RBFOX1: variants seen among roughly 807,000 people sequenced by gnomAD.
The protein encoded by RBFOX1 is RNA binding protein fox-1 homolog 1.
A neutral mutation model predicts 57.7 loss-of-function variants in RBFOX1; 8 were observed. The observed-to-expected ratio is 0.14, with a 90% CI of 0.08 to 0.25. The LOEUF is 0.25. RBFOX1 is among the 10% of genes least tolerant of loss of function. The pLI is 1.00. For synonymous variants in RBFOX1, 326 were observed against 222.4 expected, an observed-to-expected ratio of 1.47 and a Z score of -4.15; for missense variants, 611 against 548.5, an observed-to-expected ratio of 1.11 and a Z score of -1.14.
At chr16:6,592,236 C>G (rs1241298261) in intron 2 of RBFOX1, among the ~76,000 whole-genome samples, 1 of 152,162 alleles carries the variant, frequency 6.6e-6, no homozygotes, top group Non-Finnish European at 1.5e-5. Flanking sequence ...AGCCATTGGG[C>G]TTTCTTTTGT....
At chr16:7,636,099 T>C (rs944641402) in intron 11 of RBFOX1, among the ~76,000 whole-genome samples, 9 of 152,230 alleles carry the variant, frequency 5.9e-5, no homozygotes, top group African/African-American at 2.2e-4. Context: ...CATGAGCCAC[T>C]GCGCCCAGCC....
chr16:6,641,189 C>A (rs562266601), intron 2 of RBFOX1, among the ~76,000 whole-genome samples: 1 of 152,138 alleles, frequency 6.6e-6, no homozygotes, highest in Non-Finnish European at 1.5e-5. Context: ...TTGCAAACTG[C>A]ATCTTGGCTG....
At chr16:6,841,889 A>G (rs2093481846) in intron 3 of RBFOX1, among the ~76,000 whole-genome samples, 1 of 152,228 alleles carries the variant, frequency 6.6e-6, no homozygotes, top group Admixed American at 6.5e-5. Flanking sequence ...CTGTAATCCT[A>G]GCACTTTGGG....
chr16:6,787,970 C>G (rs1010601365), intron 3 of RBFOX1, among the ~76,000 whole-genome samples: 1 of 149,484 alleles, frequency 6.7e-6, no homozygotes, highest in Admixed American at 6.7e-5. Flanking sequence ...TGTCTGTAAT[C>G]CCAGCACTTT....
At chr16:7,710,169 A>G (rs887275) in intron 15 of RBFOX1, 1,022,270 of 1,026,404 alleles carry the variant, frequency 1, 509,202 homozygotes, top group South Asian at 1. Context: ...CATACAGCTT[A>G]CAGAGCCAAG....
At chr16:6,105,683 A>C (rs1023152035) in intron 1 of RBFOX1, among the ~76,000 whole-genome samples, 1 of 150,108 alleles carries the variant, frequency 6.7e-6, no homozygotes, top group East Asian at 1.9e-4. Flanking sequence ...AAGTAGAAAA[A>C]AAATATATAT....
intron 1 of RBFOX1, among the ~76,000 whole-genome samples, chr16:6,160,644 T>C (rs989385539): frequency 2.0e-5 from 3 of 152,200 alleles, no homozygotes; most frequent in Admixed American, 6.5e-5. Context: ...TATCACACAA[T>C]GGTTTTGTGA....
At position 6,361,736 on chromosome 16, in the gene RBFOX1, A is replaced by C. The variant is rs1476842815; in HGVS notation, c.-64+44679A>C. 2.0e-5 allele frequency among the ~76,000 whole-genome samples: 3 copies of C among 152,068 alleles called. 1 individual carries two copies. The highest frequency in any genetic ancestry group is 4.4e-5 in the Non-Finnish European group (3 of 68,004). On this transcript the variant is annotated intron_variant, in intron 2 of 15. Transcript: ENST00000550418. Reference sequence around the variant, plus strand: ...CTTATCTTTATACCAATTGAATCAGAATGTCTGGAATGAGGGCACAGGCGT... The same window carrying C: ...CTTATCTTTATACCAATTGAATCAGCATGTCTGGAATGAGGGCACAGGCGT...
intron 1 of RBFOX1, among the ~76,000 whole-genome samples, chr16:6,110,079 C>T (rs549680617): frequency 6.6e-6 from 1 of 151,934 alleles, no homozygotes; most frequent in Non-Finnish European, 1.5e-5. Flanking sequence ...AGGATTTAAA[C>T]AATTAATATA....
chr16:6,965,729 G>A (rs183540449), intron 3 of RBFOX1, among the ~76,000 whole-genome samples: 96 of 152,296 alleles, frequency 6.3e-4, no homozygotes, highest in African/African-American at 2.1e-3. Context: ...CTCCAAATGG[G>A]AATGATAATA....
chr16:7,133,410 T>G (rs1354845028), intron 4 of RBFOX1, among the ~76,000 whole-genome samples: 1 of 152,168 alleles, frequency 6.6e-6, no homozygotes, highest in Non-Finnish European at 1.5e-5. Context: ...AATGGTCATG[T>G]TTTTCCAAAG....
At chr16:5,371,243 C>G (rs905033879) in intron 1 of RBFOX1, among the ~76,000 whole-genome samples, 1 of 152,170 alleles carries the variant, frequency 6.6e-6, no homozygotes, top group African/African-American at 2.4e-5. Context: ...CCCCCTGTGC[C>G]CAGCCAGAAT....
chr16:5,461,583 G>C (rs183468496), intron 1 of RBFOX1, among the ~76,000 whole-genome samples: 1 of 152,348 alleles, frequency 6.6e-6, no homozygotes, highest in African/African-American at 2.4e-5. Context: ...AAGGGGCAGA[G>C]TCTGCCTTAA....
At chr16:5,673,673 T>A (rs963389239) in intron 3 of RBFOX1, among the ~76,000 whole-genome samples, 1 of 152,214 alleles carries the variant, frequency 6.6e-6, no homozygotes, top group Non-Finnish European at 1.5e-5. Context: ...ATCTTTGACT[T>A]GCATTTCTTC....
At chr16:6,106,284 C>G (rs1263553673) in intron 1 of RBFOX1, among the ~76,000 whole-genome samples, 1 of 134,752 alleles carries the variant, frequency 7.4e-6, no homozygotes, top group Admixed American at 7.7e-5. Flanking sequence ...ATGGCAAAAC[C>G]CCATCTCTAG....
chr16:6,210,474 A>T (rs562927927), intron 1 of RBFOX1, among the ~76,000 whole-genome samples: 13 of 152,142 alleles, frequency 8.5e-5, no homozygotes, highest in Middle Eastern at 3.4e-3. Context: ...TCACTCCTAT[A>T]ATCCCAGCAC....
intron 1 of RBFOX1, among the ~76,000 whole-genome samples, chr16:5,442,344 A>G (rs1378076273): frequency 6.6e-6 from 1 of 152,226 alleles, no homozygotes; most frequent in Non-Finnish European, 1.5e-5. Flanking sequence ...CACAAGGCCA[A>G]GGAAGCCTGG....
chr16:5,528,420 A>G (rs1236701032), intron 2 of RBFOX1, among the ~76,000 whole-genome samples: 2 of 151,974 alleles, frequency 1.3e-5, no homozygotes, highest in African/African-American at 2.4e-5. Flanking sequence ...TGTGCTTGGC[A>G]CCGGGGCCAC....
intron 3 of RBFOX1, among the ~76,000 whole-genome samples, chr16:6,668,327 G>A (rs1393336450): frequency 1.3e-5 from 2 of 152,220 alleles, no homozygotes; most frequent in Non-Finnish European, 2.9e-5. Context: ...GTGGAGGAGT[G>A]AGAGCCACAG....
Sources: gnomAD v4.1 joint callset for allele counts (sites outside exome capture counted in the v4.1 genomes callset) on GRCh38, gnomAD v4.1.1 for gene constraint, MANE v1.5 for transcripts, NCBI Gene and HGNC (gene_info 2026-07-23, HGNC 2026-07-21) for gene names.